RBM19: variants seen among roughly 807,000 people sequenced by gnomAD.
RBM19 encodes probable RNA-binding protein 19.
In RBM19, 94 loss-of-function variants were observed where a neutral mutation model predicts 116.8. That is an observed-to-expected ratio of 0.80 (90% CI 0.68 to 0.95). The LOEUF (loss-of-function observed/expected upper bound fraction) is 0.95, where lower values mean the gene tolerates loss of function less well. Ranked by LOEUF, RBM19 falls within the 40% of genes least tolerant of loss-of-function variation. RBM19 has a pLI of 0.00. For missense variants in RBM19, 1,161 were observed against 1,220.7 expected, an observed-to-expected ratio of 0.95 and a Z score of 0.73; for synonymous variants, 475 against 494.1, an observed-to-expected ratio of 0.96 and a Z score of 0.51.
chr12:113,921,299 T>C (rs2135866406), intron 18 of RBM19, among the ~76,000 whole-genome samples: 1 of 152,306 alleles, frequency 6.6e-6, no homozygotes, highest in South Asian at 2.1e-4. Context: ...TATGTGTAAC[T>C]GGGGAGGGAG....
intron 18 of RBM19, among the ~76,000 whole-genome samples, chr12:113,924,495 T>A (rs1868876227): frequency 6.6e-6 from 1 of 152,166 alleles, no homozygotes; most frequent in African/African-American, 2.4e-5. Flanking sequence ...AAGAGGCTGC[T>A]TCGACTGGAA....
intron 16 of RBM19, among the ~76,000 whole-genome samples, chr12:113,932,391 G>A (rs1219210250): frequency 6.6e-6 from 1 of 152,204 alleles, no homozygotes; most frequent in Non-Finnish European, 1.5e-5. Flanking sequence ...GCCTTGCTGA[G>A]AGAGAAATCC....
chr12:113,847,899 C>T lies in RBM19; in HGVS notation c.2665-3111G>A, dbSNP rs183144797. 5.9e-5 allele frequency among the ~76,000 whole-genome samples: 9 copies of T among 152,316 alleles called. No homozygotes were observed. The East Asian group carries it at 1.4e-3, about 23-fold the overall frequency. On this transcript the variant is annotated intron_variant, in intron 22 of 23. Coordinates refer to ENST00000261741, the MANE Select transcript of RBM19 (RefSeq NM_016196.4). ...CACCTCTCACAAATCTTTCTCTCTT[C>T]CCTCTGCACTCCTCTGACACGTTAT...
At chr12:113,923,679 A>C (rs1436866355) in intron 18 of RBM19, among the ~76,000 whole-genome samples, 1 of 152,040 alleles carries the variant, frequency 6.6e-6, no homozygotes, top group Non-Finnish European at 1.5e-5. Context: ...GCCTCTGAAC[A>C]CCTTGTTCCC....
intron 22 of RBM19, among the ~76,000 whole-genome samples, chr12:113,845,169 TG>T (rs997967508): frequency 6.6e-6 from 1 of 152,222 alleles, no homozygotes; most frequent in African/African-American, 2.4e-5. Flanking sequence ...GGCCGGCTGC[TG>T]GATGACAAGC....
intron 22 of RBM19, among the ~76,000 whole-genome samples, chr12:113,848,454 G>A (rs1432965526): frequency 6.6e-6 from 1 of 152,174 alleles, no homozygotes; most frequent in Non-Finnish European, 1.5e-5. Flanking sequence ...AGTGATTTGA[G>A]GCTAAAATAG....
Position 113,847,869 on chromosome 12 carries a change from G to A in RBM19, c.2665-3081C>T, listed in dbSNP as rs1180797092. Among the ~76,000 whole-genome samples, 4 of 152,224 alleles carry A rather than the reference G, an allele frequency of 2.6e-5. 1 individual carries two copies. The highest frequency in any genetic ancestry group is 2.1e-4 in the South Asian group (1 of 4,820). On this transcript the variant is annotated intron_variant, in intron 22 of 23. Transcript: ENST00000261741. ...AAATTCCCTCTTTTGGCTTCTTTGCGACATCACCTCTCACAAATCTTTCTC... is the reference window on the plus strand; with the variant it reads ...AAATTCCCTCTTTTGGCTTCTTTGCAACATCACCTCTCACAAATCTTTCTC...
In RBM19 at chr12:113,936,996, T is replaced by A. The variant is rs968642540; in HGVS notation, c.2068+11A>T. 3.7e-6 allele frequency: 6 copies of A among 1,612,968 alleles called. No individual in the cohort carries two copies. The highest frequency in any genetic ancestry group is 3.4e-6 in the Non-Finnish European group (4 of 1,179,630). On this transcript the variant is annotated intron_variant, in intron 16 of 23. Transcript: ENST00000261741. The stretch of plus-strand genomic sequence containing the variant: ...ATCCCAAGCCATCCTGGTCTCAGAC[T>A]CAGCTCTTACCTGTTTCTGGCTCTG...
At chr12:113,957,235 T>C (rs976766624) in intron 6 of RBM19, among the ~76,000 whole-genome samples, 46 of 152,202 alleles carry the variant, frequency 3.0e-4, no homozygotes, top group African/African-American at 1.1e-3. Context: ...ACCCTACTTA[T>C]AGGCAATTTC....
chr12:113,824,859 C>G (rs1293838322), intron 23 of RBM19, among the ~76,000 whole-genome samples: 2 of 152,112 alleles, frequency 1.3e-5, no homozygotes, highest in African/African-American at 4.8e-5. Flanking sequence ...CTAGAGACCC[C>G]CCTCCCACCA....
At chr12:113,888,353 C>A (rs992184799) in intron 21 of RBM19, among the ~76,000 whole-genome samples, 4 of 152,146 alleles carry the variant, frequency 2.6e-5, no homozygotes, top group Non-Finnish European at 5.9e-5. Context: ...GCTTTGCAAC[C>A]ACTTTGTAGA....
intron 6 of RBM19, among the ~76,000 whole-genome samples, chr12:113,955,493 G>A (rs1871854561): frequency 6.7e-6 from 1 of 150,118 alleles, no homozygotes; most frequent in South Asian, 2.1e-4. Flanking sequence ...GGGGCAGGGT[G>A]GGAATGTGAA....
rs373425032 is a variant in RBM19, at chr12:113,823,122, C to T, written c.*102G>A. On this transcript the variant is annotated 3_prime_UTR_variant, in exon 24 of 24. Coordinates refer to ENST00000261741, the MANE Select transcript of RBM19 (RefSeq NM_016196.4). ...CAGTGCAGGGTGGGGCCGCCTGCCG[C>T]TCCCCGCCCCGCCCCCCAGCCCACA... 246 of 1,119,922 alleles carry T rather than the reference C, an allele frequency of 2.2e-4. 3 individuals are homozygous for T. The African/African-American group carries it at 3.4e-3, about 15-fold the overall frequency. The allele number at this position is 1,119,922 out of a possible 1,614,324, so 69.4% of individuals were successfully genotyped here. A position where few individuals can be genotyped will look rare whatever the true frequency, so the allele number is the denominator to read the frequency against.
chr12:113,844,870 T>G, intron 22 of RBM19, 82 bp from the exon 23 acceptor site: 1 of 1,487,482 alleles, frequency 6.7e-7, no homozygotes, highest in Non-Finnish European at 9.0e-7. Flanking sequence ...GCTGCCTGCC[T>G]GCGTCTCAGA....
intron 12 of RBM19, 133 bp downstream of exon 12, chr12:113,946,221 G>T: frequency 8.0e-7 from 1 of 1,243,620 alleles, no homozygotes; most frequent in Non-Finnish European, 1.1e-6. Context: ...TTTTACAGAT[G>T]AGAAAACTGA....
chr12:113,954,981 T>TGTTATTTCTCA lies in RBM19; in HGVS notation c.921+139_921+149dup, dbSNP rs1450895276. On this transcript the variant is annotated intron_variant, in intron 7 of 23. Transcript: ENST00000261741. ...TTCCTGACCCTGACGATGCCGGAGA[T>TGTTATTTCTCA]GTTATTTCTCAGCCTTTTTGGCCCC... The TGTTATTTCTCA allele has an allele frequency of 1.5e-4, 107 of 706,404 alleles. 1 individual carries two copies. The highest frequency in any genetic ancestry group is 6.6e-4 in the Admixed American group (27 of 40,802). 43.8% of individuals were successfully genotyped at this position (706,404 alleles called of 1,614,324 possible). A position where few individuals can be genotyped will look rare whatever the true frequency, so the allele number is the denominator to read the frequency against.
At chr12:113,861,980 CAG>C (rs1418003957) in intron 21 of RBM19, among the ~76,000 whole-genome samples, 1 of 152,202 alleles carries the variant, frequency 6.6e-6, no homozygotes, top group Non-Finnish European at 1.5e-5. Context: ...TATTATTCTT[CAG>C]AGTCAGAGAA....
At chr12:113,899,695 A>T (rs1453975120) in intron 21 of RBM19, among the ~76,000 whole-genome samples, 2 of 152,220 alleles carry the variant, frequency 1.3e-5, no homozygotes, top group East Asian at 3.8e-4. Flanking sequence ...TTTCTTAACT[A>T]AAAAGCAGTG....
intron 7 of RBM19, among the ~76,000 whole-genome samples, 162 bp downstream of exon 7, chr12:113,954,969 C>T (rs147512367): frequency 6.6e-6 from 1 of 152,120 alleles, no homozygotes; most frequent in African/African-American, 2.4e-5. Context: ...CTGACCCTGA[C>T]GATGCCGGAG....
Sources: allele counts gnomAD v4.1 joint callset (sites outside exome capture counted in the v4.1 genomes callset), GRCh38; gene constraint gnomAD v4.1.1; transcripts MANE v1.5; gene names NCBI Gene and HGNC (gene_info 2026-07-23, HGNC 2026-07-21).